The following TNC variants were observed in gnomAD, a reference collection of about 807,000 sequenced individuals.
The protein encoded by TNC is tenascin C.
Under a neutral mutation model 202.4 loss-of-function variants are expected in TNC, and 109 were observed. That is an observed-to-expected ratio of 0.54 (90% confidence interval 0.46 to 0.63). The LOEUF is 0.63. TNC is among the 30% of genes least tolerant of loss of function. The probability of loss-of-function intolerance (pLI) is 0.00; values close to 1 mark genes in which losing one functional copy is unlikely to be tolerated. For missense variants in TNC, 2,756 were observed against 2,833.3 expected, an observed-to-expected ratio of 0.97 and a Z score of 0.62; for synonymous variants, 1,007 against 1,089.7, an observed-to-expected ratio of 0.92 and a Z score of 1.50.
intron 9 of TNC, among the ~76,000 whole-genome samples, chr9:115,074,977 C>A (rs1833732732): frequency 6.6e-6 from 1 of 152,044 alleles, no homozygotes; most frequent in South Asian, 2.1e-4. Context: ...CTCACAATTG[C>A]ATGTGAATCT....
chr9:115,104,511 G>C (rs898732509), intron 1 of TNC, among the ~76,000 whole-genome samples: 1 of 152,200 alleles, frequency 6.6e-6, no homozygotes, highest in Non-Finnish European at 1.5e-5. Flanking sequence ...GAAGACTTAA[G>C]ACCAATTTCT....
rs917770856 is a variant in TNC at position 115,063,863 on chromosome 9, A to G, written c.3693T>C (p.Tyr1231=). ...GAGTGACCCCGCGGATGGTGATGGTATAATGAGTGGCTGCTTTGAGCCCAG... is the reference window on the plus strand; with the variant it reads ...GAGTGACCCCGCGGATGGTGATGGTGTAATGAGTGGCTGCTTTGAGCCCAG... ...DLPGLKAATH[Y]TITIRGVTQD... is the part of the protein sequence containing the mutation. Residue 1231 remains tyrosine (Y), a synonymous_variant, in exon 12 of 28, where the codon TAT becomes TAC. Transcript: ENST00000350763. 5 of 1,614,106 alleles carry G rather than the reference A, an allele frequency of 3.1e-6. No homozygotes were observed. The Admixed American group carries it at 6.7e-5, about 22-fold the overall frequency.
chr9:115,090,367 G>A (rs1002405420), intron 2 of TNC, among the ~76,000 whole-genome samples, 195 bp downstream of exon 2: 1 of 152,152 alleles, frequency 6.6e-6, no homozygotes, highest in Non-Finnish European at 1.5e-5. Flanking sequence ...AGCAGTTGTC[G>A]CCGTGACTCC....
intron 7 of TNC, among the ~76,000 whole-genome samples, chr9:115,077,569 T>C (rs1210770386): frequency 1.3e-5 from 2 of 152,260 alleles, no homozygotes; most frequent in African/African-American, 4.8e-5. Flanking sequence ...TTGACACTTT[T>C]GAACTTTTAA....
chr9:115,099,322 T>A (rs924962255), intron 1 of TNC, among the ~76,000 whole-genome samples: 4 of 152,134 alleles, frequency 2.6e-5, no homozygotes, highest in African/African-American at 9.7e-5. Context: ...CACAGTCAGG[T>A]ATAGAAAGCA....
intron 15 of TNC, among the ~76,000 whole-genome samples, chr9:115,048,778 A>T: frequency 6.6e-6 from 1 of 152,194 alleles, no homozygotes; most frequent in East Asian, 1.9e-4. Flanking sequence ...GTTTCAAAGA[A>T]GTTGATTGAC....
intron 25 of TNC, 46 bp from the exon 26 acceptor site, chr9:115,026,741 G>A (rs1436520731): frequency 6.3e-7 from 1 of 1,599,370 alleles, no homozygotes; most frequent in Non-Finnish European, 8.5e-7. Context: ...GGTGACTGAG[G>A]CCCTCATTTC....
Position 115,073,720 on chromosome 9 carries a change from T to C in TNC, c.3097A>G (p.Arg1033Gly). ...CTCAGGACATAGGAAGTGGTGTTTC[T>C]TGGAAGCTGCACTCCCACCCACTGG... ...TGQWVGVQLPRNTTSYVLRGL... is the reference protein window; with the variant it reads ...TGQWVGVQLPGNTTSYVLRGL... The change falls in exon 10 of 28, where the codon AGA (arginine) becomes GGA (glycine). Residue 1033 changes from arginine to glycine, a missense_variant. Arg to Gly is a moderately radical substitution (Grantham distance 125, BLOSUM62 -2). This residue lies in a region of TNC where 2,559 missense variants were observed against 2,546.0 expected (regional missense o/e 1.01). Transcript: ENST00000350763. The C allele has an allele frequency of 1.9e-6, 3 of 1,614,176 alleles. No homozygotes were observed. Among genetic ancestry groups the C allele is most frequent in the Non-Finnish European group, 2.5e-6 (3 of 1,180,030 alleles).
intron 1 of TNC, among the ~76,000 whole-genome samples, chr9:115,097,248 T>C (rs115988558): frequency 1.3e-5 from 2 of 152,296 alleles, no homozygotes; most frequent in Non-Finnish European, 2.9e-5. Flanking sequence ...CTCCTCTCCC[T>C]GGAGATACAT....
chr9:115,075,430 G>A (rs1833769438), intron 9 of TNC, among the ~76,000 whole-genome samples: 1 of 152,138 alleles, frequency 6.6e-6, no homozygotes. Context: ...TTTAAAAGAT[G>A]CAACTGATTA....
At position 115,040,928 on chromosome 9, in the gene TNC, C is replaced by A. The variant is rs112306332; in HGVS notation, c.5392+13G>T. On this transcript the variant is annotated intron_variant, in intron 19 of 27. Coordinates refer to ENST00000350763, the MANE Select transcript of TNC (RefSeq NM_002160.4). Reference sequence around the variant, plus strand: ...AGTAACACACACACACACACACAACCCCACCAACTCACCTGTGGTGAATGA... The same window carrying A: ...AGTAACACACACACACACACACAACACCACCAACTCACCTGTGGTGAATGA... The A allele has an allele frequency of 6.2e-7, 1 of 1,606,824 alleles. No individual in the cohort carries two copies. Among genetic ancestry groups the A allele is most frequent in the African/African-American group, 1.3e-5 (1 of 74,814 alleles).
rs182510676 is a variant in TNC at position 115,032,606 on chromosome 9, G to T, written c.5788-921C>A. ...ACTGATGGAATCATCAGAGCCAGAA[G>T]TTGGGCCTGGCTATATTTAAGAAAC... On this transcript the variant is annotated intron_variant, in intron 22 of 27. Coordinates refer to ENST00000350763, the MANE Select transcript of TNC (RefSeq NM_002160.4). 2.2e-3 allele frequency among the ~76,000 whole-genome samples: 338 copies of T among 152,204 alleles called. 3 individuals are homozygous for T. Among genetic ancestry groups the T allele is most frequent in the Non-Finnish European group, 4.0e-4 (27 of 68,036 alleles).
At chr9:115,110,987 C>G (rs76137900) in intron 1 of TNC, among the ~76,000 whole-genome samples, 1 of 151,656 alleles carries the variant, frequency 6.6e-6, no homozygotes, top group Non-Finnish European at 1.5e-5. Flanking sequence ...TCACGCCAGT[C>G]TCCTGCCTCA....
intron 7 of TNC, 88 bp from the exon 8 acceptor site, chr9:115,076,663 GC>G (rs1833888817): frequency 1.4e-6 from 2 of 1,427,332 alleles, no homozygotes; most frequent in African/African-American, 2.8e-5. Context: ...TATGAAACGT[GC>G]CTGGAACTGG....
intron 17 of TNC, among the ~76,000 whole-genome samples, chr9:115,044,482 A>AAG (rs1831026822): frequency 6.6e-6 from 1 of 151,624 alleles, no homozygotes; most frequent in African/African-American, 2.4e-5. Flanking sequence ...AAGAAAATCA[A>AAG]AGAGAGGGCT....
intron 10 of TNC, among the ~76,000 whole-genome samples, chr9:115,065,701 A>T (rs1366064970): frequency 1.3e-5 from 2 of 152,026 alleles, no homozygotes; most frequent in Non-Finnish European, 2.9e-5. Flanking sequence ...CAGCAGTTCA[A>T]GACCAGCCTG....
At chr9:115,111,823 A>T (rs1436780491) in intron 1 of TNC, among the ~76,000 whole-genome samples, 3 of 152,078 alleles carry the variant, frequency 2.0e-5, no homozygotes, top group African/African-American at 7.2e-5. Flanking sequence ...TGAGGCCCTC[A>T]GTTCAATATC....
In TNC at chr9:115,057,234, G is replaced by A. The variant is rs780487342; in HGVS notation, c.4498C>T (p.Pro1500Ser). The A allele has an allele frequency of 5.6e-6, 9 of 1,614,164 alleles. No individual in the cohort carries two copies. Among genetic ancestry groups the A allele is most frequent in the Non-Finnish European group, 7.6e-6 (9 of 1,180,018 alleles). Reference protein sequence around the residue: ...ERTAHISGLPPSTDFIVYLSG... With the variant: ...ERTAHISGLPSSTDFIVYLSG... ...AGGTAGACAATAAAATCAGTACTAGGGGGTAGCCCTGAGATATGGGCAGTT... is the reference window on the plus strand; with the variant it reads ...AGGTAGACAATAAAATCAGTACTAGAGGGTAGCCCTGAGATATGGGCAGTT... Residue 1500 changes from proline (P) to serine (S), a missense_variant, in exon 15 of 28, where the codon CCT becomes TCT. Pro to Ser is a moderately conservative substitution (Grantham distance 74, BLOSUM62 -1). Around this residue, in one of 2 missense-constraint regions of TNC, gnomAD observed 2,559 missense variants for 2,546.0 expected, o/e 1.01. Transcript: ENST00000350763.
intron 10 of TNC, among the ~76,000 whole-genome samples, chr9:115,072,756 A>C (rs1588126957): frequency 6.6e-6 from 1 of 152,350 alleles, no homozygotes; most frequent in East Asian, 1.9e-4. Context: ...GTAGGTACTC[A>C]ATACATGCTT....
Sources: allele counts gnomAD v4.1 joint callset (sites outside exome capture counted in the v4.1 genomes callset), GRCh38; gene constraint gnomAD v4.1.1; regional missense constraint gnomAD v4.1.1; transcripts MANE v1.5; gene names NCBI Gene and HGNC (gene_info 2026-07-23, HGNC 2026-07-21).